The following DOCK8 variants were observed in gnomAD, a reference collection of about 807,000 sequenced individuals.
The protein encoded by DOCK8 is dedicator of cytokinesis 8.
In DOCK8, 141 loss-of-function variants were observed where a neutral mutation model predicts 245.6. The observed-to-expected ratio is 0.57, with a 90% CI of 0.50 to 0.66. The LOEUF (loss-of-function observed/expected upper bound fraction) is 0.66, where lower values mean the gene tolerates loss of function less well. Ranked by LOEUF, DOCK8 falls within the 30% of genes least tolerant of loss-of-function variation. DOCK8 has a pLI of 0.00. For synonymous variants in DOCK8, 1,168 were observed against 970.2 expected (o/e 1.20, Z -3.79); for missense variants, 2,965 against 2,603.4 (o/e 1.14, Z -3.02).
chr9:231,297 T>G (rs1035273350), intron 1 of DOCK8, among the ~76,000 whole-genome samples: 2 of 152,174 alleles, frequency 1.3e-5, no homozygotes, highest in African/African-American at 4.8e-5. Flanking sequence ...CTGTTTTGGT[T>G]ACTGTAGCCT....
At chr9:344,401 A>C (rs1251154628) in intron 14 of DOCK8, among the ~76,000 whole-genome samples, 1 of 152,126 alleles carries the variant, frequency 6.6e-6, no homozygotes, top group East Asian at 1.9e-4. Flanking sequence ...TGTGTGCTTT[A>C]GGGTGGTTTT....
chr9:305,434 C>T (rs1459376024), intron 5 of DOCK8, among the ~76,000 whole-genome samples: 10 of 151,738 alleles, frequency 6.6e-5, no homozygotes, highest in Admixed American at 5.9e-4. Flanking sequence ...AGGCTCCCGC[C>T]ACCACGCCCA....
chr9:273,444 A>G (rs189658021), intron 2 of DOCK8, among the ~76,000 whole-genome samples: 1 of 152,200 alleles, frequency 6.6e-6, no homozygotes, highest in African/African-American at 2.4e-5. Flanking sequence ...AATCAAAAAA[A>G]TTTTTTTAAA....
At chr9:419,630 C>G (rs1256635858) in intron 30 of DOCK8, among the ~76,000 whole-genome samples, 1 of 152,206 alleles carries the variant, frequency 6.6e-6, no homozygotes, top group Admixed American at 6.5e-5. Context: ...CCCACAAATT[C>G]CTCATTGCAA....
chr9:300,825 T>C (rs2049509398), intron 4 of DOCK8, among the ~76,000 whole-genome samples: 2 of 152,082 alleles, frequency 1.3e-5, no homozygotes, highest in South Asian at 4.1e-4. Context: ...AACAGACCAA[T>C]AGTGAGTTCT....
At chr9:401,569 A>T (rs1316929667) in intron 26 of DOCK8, among the ~76,000 whole-genome samples, 1 of 152,180 alleles carries the variant, frequency 6.6e-6, no homozygotes, top group Non-Finnish European at 1.5e-5. Flanking sequence ...GGGTCTGCAA[A>T]GGAGGCAGGC....
At chr9:256,318 A>G (rs1355352955) in intron 1 of DOCK8, among the ~76,000 whole-genome samples, 2 of 152,206 alleles carry the variant, frequency 1.3e-5, no homozygotes, top group Non-Finnish European at 2.9e-5. Flanking sequence ...GAGCATCGAT[A>G]TGCCAATACA....
At position 422,057 on chromosome 9, in the gene DOCK8, G is replaced by A. The variant is rs1163735378; in HGVS notation, c.4163G>A (p.Arg1388Gln). The change falls in exon 33 of 48, where the codon CGA becomes CAA. Residue 1388 changes from arginine to glutamine, a missense_variant. Arg to Gln is a conservative substitution (Grantham distance 43). Transcript: ENST00000432829. The part of the protein sequence containing the change: ...MMRRRAPGND[R>Q]FPGLNENLRW... Reference sequence around the variant, plus strand: ...ATTTCTTAACTCCTAGGGAACGACCGATTTCCAGGCCTAAATGAAAATTTG... The same window carrying A: ...ATTTCTTAACTCCTAGGGAACGACCAATTTCCAGGCCTAAATGAAAATTTG... 5 of 1,613,810 alleles carry A rather than the reference G, an allele frequency of 3.1e-6. No homozygotes were observed. Among genetic ancestry groups the A allele is most frequent in the African/African-American group, 1.3e-5 (1 of 74,890 alleles).
At chr9:341,706 CA>C (rs1250424216) in intron 14 of DOCK8, among the ~76,000 whole-genome samples, 3 of 152,200 alleles carry the variant, frequency 2.0e-5, no homozygotes, top group Non-Finnish European at 4.4e-5. Flanking sequence ...CACTCTAGGT[CA>C]GGGGTCCCCA....
chr9:342,759 T>C (rs1440729158), intron 14 of DOCK8, among the ~76,000 whole-genome samples: 3 of 152,166 alleles, frequency 2.0e-5, no homozygotes, highest in African/African-American at 7.2e-5. Context: ...TGAGCCACCA[T>C]GCCCATCCTG....
intron 2 of DOCK8, among the ~76,000 whole-genome samples, chr9:277,879 A>C (rs1005747606): frequency 1.3e-5 from 2 of 152,150 alleles, no homozygotes; most frequent in African/African-American, 2.4e-5. Flanking sequence ...TATTTTTGTT[A>C]TGTGTATAGG....
intron 14 of DOCK8, among the ~76,000 whole-genome samples, chr9:358,759 G>T (rs2052574721): frequency 6.6e-6 from 1 of 151,078 alleles, no homozygotes; most frequent in African/African-American, 2.4e-5. Context: ...TGAGGCAGGA[G>T]AATCGCTTGA....
chr9:462,060 C>A (rs2057821619), intron 46 of DOCK8, among the ~76,000 whole-genome samples: 1 of 147,948 alleles, frequency 6.8e-6, no homozygotes, highest in Non-Finnish European at 1.5e-5. Flanking sequence ...GTTTTATTAT[C>A]TCTAATTCTT....
chr9:262,805 T>G (rs2047948692), intron 1 of DOCK8, among the ~76,000 whole-genome samples: 1 of 152,008 alleles, frequency 6.6e-6, no homozygotes, highest in Non-Finnish European at 1.5e-5. Context: ...CTAATTATAC[T>G]CAATCTGTTT....
chr9:230,676 T>C (rs2047094009), intron 1 of DOCK8, among the ~76,000 whole-genome samples: 1 of 151,524 alleles, frequency 6.6e-6, no homozygotes, highest in African/African-American at 2.4e-5. Flanking sequence ...TTTTCATGTG[T>C]TTTTTGGCTG....
intron 2 of DOCK8, among the ~76,000 whole-genome samples, chr9:281,207 T>G (rs1020807740): frequency 1.3e-5 from 2 of 151,464 alleles, no homozygotes; most frequent in African/African-American, 4.9e-5. Context: ...TGAGCCGAGA[T>G]CCCGCCACTG....
intron 36 of DOCK8, 58 bp from the exon 37 acceptor site, chr9:432,108 A>G: frequency 3.8e-6 from 6 of 1,585,596 alleles, no homozygotes; most frequent in Non-Finnish European, 5.2e-6. Context: ...GCTTTCAGTT[A>G]TCTACTGCTA....
intron 2 of DOCK8, among the ~76,000 whole-genome samples, chr9:277,477 A>AGGGGAGGGGAGGGGAGGGG (rs1402056488): frequency 3.8e-5 from 5 of 131,918 alleles, no homozygotes; most frequent in African/African-American, 2.0e-4. Context: ...AAGAGAAGAG[A>AGGGGAGGGGAGGGGAGGGG]AGAGAAGAGA....
chr9:432,583 G>A lies in DOCK8; in HGVS notation c.4785+259G>A, dbSNP rs191611503. On this transcript the variant is annotated intron_variant, in intron 37 of 47. Transcript: ENST00000432829. ...ACAATTAGGAGGCAGTACAAGACAA[G>A]TGATACATAAGTGCAAACTGTGTGG... 1.4e-3 allele frequency among the ~76,000 whole-genome samples: 218 copies of A among 152,248 alleles called. 1 individual carries two copies. Among genetic ancestry groups the A allele is most frequent in the African/African-American group, 4.9e-3 (203 of 41,540 alleles).
Sources: gnomAD v4.1 joint callset for allele counts (sites outside exome capture counted in the v4.1 genomes callset) on GRCh38, gnomAD v4.1.1 for gene constraint, MANE v1.5 for transcripts, NCBI Gene and HGNC (gene_info 2026-07-23, HGNC 2026-07-21) for gene names.